CNTN4: variants seen among roughly 807,000 people sequenced by gnomAD.
CNTN4 encodes the protein contactin 4, also known as contactin-4.
A neutral mutation model predicts 122.5 loss-of-function variants in CNTN4; 77 were observed. That is an observed-to-expected ratio of 0.63 (90% confidence interval 0.52 to 0.76). The LOEUF is 0.76. Ranked by LOEUF, CNTN4 falls within the 30% of genes least tolerant of loss-of-function variation. CNTN4 has a pLI of 0.00. For missense variants in CNTN4, 1,256 were observed against 1,259.1 expected (o/e 1.00, Z 0.04); for synonymous variants, 512 against 447.0 (o/e 1.15, Z -1.83).
chr3:2,557,719 C>A (rs140627798), intron 3 of CNTN4, among the ~76,000 whole-genome samples: 1 of 149,960 alleles, frequency 6.7e-6, no homozygotes, highest in African/African-American at 2.5e-5. Context: ...ACACTGCACT[C>A]CAGCCTGGGC....
rs77675987 is a variant in CNTN4, at chr3:2,303,703, G to C, written c.-144-35475G>C. Among the ~76,000 whole-genome samples the C allele has an allele frequency of 9.1e-3, 1,379 of 152,176 alleles. 19 individuals carry two copies. Among genetic ancestry groups the C allele is most frequent in the African/African-American group, 0.031 (1,294 of 41,490 alleles). ...AGGTCTCTCATACCTTGCAATTTCA[G>C]CAGCTCCGTTGTTCAGCGCTGCTAG... On this transcript the variant is annotated intron_variant, in intron 2 of 24. Coordinates refer to ENST00000418658, the MANE Select transcript of CNTN4 (RefSeq NM_175607.3).
At chr3:2,312,553 C>T (rs532693725) in intron 2 of CNTN4, among the ~76,000 whole-genome samples, 1 of 152,032 alleles carries the variant, frequency 6.6e-6, no homozygotes, top group South Asian at 2.1e-4. Context: ...CCCAGGAGAT[C>T]CTGAAATCTA....
intron 4 of CNTN4, among the ~76,000 whole-genome samples, chr3:2,719,650 C>A (rs1361543717): frequency 6.6e-6 from 1 of 152,194 alleles, no homozygotes; most frequent in Non-Finnish European, 1.5e-5. Context: ...TCTCAAACCC[C>A]TGACCTCAGG....
Position 2,195,797 on chromosome 3 carries a change from G to A in CNTN4, c.-145+95158G>A, listed in dbSNP as rs368063647. 6.6e-5 allele frequency among the ~76,000 whole-genome samples: 10 copies of A among 152,232 alleles called. No individual in the cohort carries two copies. The South Asian group carries it at 1.2e-3, about 19-fold the overall frequency. On this transcript the variant is annotated intron_variant, in intron 2 of 24. Coordinates refer to ENST00000418658, the MANE Select transcript of CNTN4 (RefSeq NM_175607.3). ...CTAATATTTTAAGAGAAAATATTCC[G>A]TGACACTTAGTTACCTAGTTTGGCT...
chr3:2,894,279 A>C (rs1251030311), intron 10 of CNTN4, among the ~76,000 whole-genome samples: 2 of 152,210 alleles, frequency 1.3e-5, no homozygotes, highest in African/African-American at 4.8e-5. Flanking sequence ...GACTCTCTTA[A>C]GGAAACCTGG....
intron 2 of CNTN4, among the ~76,000 whole-genome samples, chr3:2,228,544 A>G (rs574123699): frequency 6.6e-6 from 1 of 152,206 alleles, no homozygotes; most frequent in East Asian, 1.9e-4. Flanking sequence ...ACAAAACATC[A>G]TCATCAACAG....
chr3:2,892,976 A>G (rs1332879724), intron 10 of CNTN4, among the ~76,000 whole-genome samples: 4 of 152,230 alleles, frequency 2.6e-5, no homozygotes, highest in African/African-American at 9.6e-5. Context: ...TGCCAATACA[A>G]CATTTTAATA....
At chr3:2,612,242 C>T (rs1166086218) in intron 4 of CNTN4, among the ~76,000 whole-genome samples, 5 of 151,852 alleles carry the variant, frequency 3.3e-5, no homozygotes, top group African/African-American at 7.3e-5. Context: ...ATACAGCTAA[C>T]GAAACCAAAT....
chr3:2,747,594 A>G (rs1380320925), intron 6 of CNTN4, among the ~76,000 whole-genome samples: 1 of 152,234 alleles, frequency 6.6e-6, no homozygotes, highest in Non-Finnish European at 1.5e-5. Flanking sequence ...TTTACATAGA[A>G]TAGTTTAACC....
At chr3:2,593,551 C>T (rs9850775) in intron 4 of CNTN4, among the ~76,000 whole-genome samples, 2 of 151,892 alleles carry the variant, frequency 1.3e-5, no homozygotes, top group African/African-American at 2.4e-5. Context: ...GTAATGACAA[C>T]TATTTGTTTG....
At chr3:2,112,748 CTGTTTTCCATTG>C (rs548074498) in intron 2 of CNTN4, among the ~76,000 whole-genome samples, 296 of 152,242 alleles carry the variant, frequency 1.9e-3, no homozygotes, top group African/African-American at 6.3e-3. Flanking sequence ...TGAGAATTTA[CTGTTTTCCATTG>C]TGTTTTACAT....
At chr3:3,055,440 T>G (rs906489366) in intron 24 of CNTN4, among the ~76,000 whole-genome samples, 1 of 152,232 alleles carries the variant, frequency 6.6e-6, no homozygotes, top group Non-Finnish European at 1.5e-5. Flanking sequence ...AAACATGATC[T>G]GTTTCAAGAG....
intron 4 of CNTN4, among the ~76,000 whole-genome samples, chr3:2,667,871 T>C (rs1013847594): frequency 2.0e-5 from 3 of 152,150 alleles, no homozygotes; most frequent in African/African-American, 7.2e-5. Flanking sequence ...TTTCTTGTTT[T>C]TATCAGGTTT....
intron 4 of CNTN4, among the ~76,000 whole-genome samples, chr3:2,632,471 T>G (rs2082486640): frequency 6.6e-6 from 1 of 152,138 alleles, no homozygotes; most frequent in African/African-American, 2.4e-5. Flanking sequence ...TACACCAGAA[T>G]TACACTCAAC....
chr3:2,798,590 A>T (rs143430931), intron 6 of CNTN4, among the ~76,000 whole-genome samples: 4,303 of 152,150 alleles, frequency 0.028, 78 homozygotes, highest in African/African-American at 0.036. Flanking sequence ...GCTCACTGCA[A>T]CTTCTGCCTG....
chr3:2,569,769 T>C (rs2079338012), intron 3 of CNTN4, among the ~76,000 whole-genome samples: 2 of 152,104 alleles, frequency 1.3e-5, no homozygotes, highest in African/African-American at 4.8e-5. Context: ...TTCTGGTTTA[T>C]TTGATTGACT....
In CNTN4 at chr3:3,018,380, T is replaced by C. The variant is rs118088919; in HGVS notation, c.1487-7722T>C. 7.7e-4 allele frequency among the ~76,000 whole-genome samples: 117 copies of C among 152,344 alleles called. 6 individuals carry two copies. The East Asian group carries it at 0.019, about 25-fold the overall frequency. ...GAATTAGTATTCGCCATCTTTTTTA[T>C]TTTATTGTTCTGTGGAGTATTCATT... On this transcript the variant is annotated intron_variant, in intron 14 of 24. Transcript: ENST00000418658.
chr3:2,379,605 G>C lies in CNTN4; in HGVS notation c.-89+40372G>C, dbSNP rs186669786. 1.9e-3 allele frequency among the ~76,000 whole-genome samples: 293 copies of C among 152,232 alleles called. 2 individuals carry two copies. Among genetic ancestry groups the C allele is most frequent in the African/African-American group, 6.5e-3 (269 of 41,540 alleles). On this transcript the variant is annotated intron_variant, in intron 3 of 24. Coordinates refer to ENST00000418658, the MANE Select transcript of CNTN4 (RefSeq NM_175607.3). ...TATTTATAAAATATGTCAGGGATAG[G>C]AGATATCATTTGTTGTTAAAATCTT...
At chr3:2,850,855 A>G (rs2093538212) in intron 7 of CNTN4, among the ~76,000 whole-genome samples, 1 of 152,180 alleles carries the variant, frequency 6.6e-6, no homozygotes, top group South Asian at 2.1e-4. Flanking sequence ...CCCCTGGGGA[A>G]ACTTTTAACT....
Sources: gnomAD v4.1 joint callset for allele counts (sites outside exome capture counted in the v4.1 genomes callset) on GRCh38, gnomAD v4.1.1 for gene constraint, MANE v1.5 for transcripts, NCBI Gene and HGNC (gene_info 2026-07-23, HGNC 2026-07-21) for gene names.